SLC25A21: variants seen among roughly 807,000 people sequenced by gnomAD.
The protein encoded by SLC25A21 is mitochondrial 2-oxodicarboxylate carrier.
In SLC25A21, 47 loss-of-function variants were observed where a neutral mutation model predicts 43.8. The observed-to-expected ratio is 1.07, with a 90% CI of 0.85 to 1.37. The LOEUF is 1.37. Among genes scored for constraint, SLC25A21 ranks in the 40% most tolerant of loss-of-function variants. The pLI is 0.00. For missense variants in SLC25A21, 352 were observed against 350.2 expected (o/e 1.00, Z -0.04); for synonymous variants, 131 against 121.3 (o/e 1.08, Z -0.52).
At chr14:36,751,798 G>A (rs1885718736) in intron 3 of SLC25A21, among the ~76,000 whole-genome samples, 1 of 152,138 alleles carries the variant, frequency 6.6e-6, no homozygotes, top group Non-Finnish European at 1.5e-5. Context: ...TTATCAATGT[G>A]GATAGTTTGT....
At chr14:37,146,413 A>C (rs1963665679) in intron 1 of SLC25A21, among the ~76,000 whole-genome samples, 1 of 151,896 alleles carries the variant, frequency 6.6e-6, no homozygotes, top group Non-Finnish European at 1.5e-5. Context: ...CCCCCAGCTA[A>C]CTTCTGTATT....
intron 3 of SLC25A21, among the ~76,000 whole-genome samples, chr14:36,754,294 C>T (rs1885839298): frequency 6.6e-6 from 1 of 152,130 alleles, no homozygotes; most frequent in African/African-American, 2.4e-5. Flanking sequence ...CCAGCCTGAG[C>T]TCAGCCTTTA....
chr14:37,022,229 G>A (rs1961002935), intron 1 of SLC25A21, among the ~76,000 whole-genome samples: 1 of 151,792 alleles, frequency 6.6e-6, no homozygotes, highest in African/African-American at 2.4e-5. Context: ...AACTTACTTT[G>A]TAATAATAAT....
chr14:36,793,960 CAAA>C (rs1201416147), intron 3 of SLC25A21, among the ~76,000 whole-genome samples: 11 of 144,138 alleles, frequency 7.6e-5, no homozygotes, highest in African/African-American at 2.8e-4. Context: ...AGAAGCAAAT[CAAA>C]GAAGTTCATA....
chr14:36,749,995 C>T (rs1202675851), intron 3 of SLC25A21, among the ~76,000 whole-genome samples: 2 of 152,240 alleles, frequency 1.3e-5, no homozygotes, highest in East Asian at 1.9e-4. Context: ...GAGGGTATGG[C>T]AGGGATTTCT....
At chr14:36,977,724 A>G (rs1283698561) in intron 1 of SLC25A21, among the ~76,000 whole-genome samples, 4 of 152,178 alleles carry the variant, frequency 2.6e-5, no homozygotes, top group Admixed American at 6.6e-5. Context: ...TATATCACAC[A>G]TTACTGTCAA....
At chr14:36,909,717 ATAAAT>A (rs1393376494) in intron 1 of SLC25A21, among the ~76,000 whole-genome samples, 1 of 152,234 alleles carries the variant, frequency 6.6e-6, no homozygotes, top group Middle Eastern at 3.2e-3. Flanking sequence ...ATGCTTTAAA[ATAAAT>A]TAATAAGTAA....
intron 3 of SLC25A21, among the ~76,000 whole-genome samples, chr14:36,789,334 A>G (rs904156392): frequency 1.3e-5 from 2 of 152,064 alleles, no homozygotes; most frequent in Admixed American, 1.3e-4. Context: ...GGGAGGAGAA[A>G]ATAAAAACTG....
chr14:36,689,938 G>C (rs1415329940), intron 7 of SLC25A21, among the ~76,000 whole-genome samples: 1 of 152,204 alleles, frequency 6.6e-6, no homozygotes, highest in Non-Finnish European at 1.5e-5. Context: ...GGCTCTGGCT[G>C]TGTTGGGAAG....
At chr14:37,154,871 A>G (rs969404579) in intron 1 of SLC25A21, among the ~76,000 whole-genome samples, 3 of 151,890 alleles carry the variant, frequency 2.0e-5, no homozygotes, top group African/African-American at 7.3e-5. Flanking sequence ...CAAACTCCCA[A>G]CCTCAGGTGA....
At chr14:37,062,596 ATTTGCAGGTGGCTATACACTTCAG>A (rs1022097888) in intron 1 of SLC25A21, among the ~76,000 whole-genome samples, 1 of 152,174 alleles carries the variant, frequency 6.6e-6, no homozygotes, top group Non-Finnish European at 1.5e-5. Context: ...GTCAACAAGT[ATTTGCAGGTGGCTATACACTTCAG>A]TGTATAACCA....
At chr14:36,899,979 T>C (rs1318558399) in intron 1 of SLC25A21, among the ~76,000 whole-genome samples, 2 of 152,156 alleles carry the variant, frequency 1.3e-5, no homozygotes, top group African/African-American at 4.8e-5. Context: ...TTGTCAGGAC[T>C]CTTTTGGTTG....
intron 1 of SLC25A21, among the ~76,000 whole-genome samples, chr14:36,963,261 C>T (rs1435924190): frequency 6.6e-6 from 1 of 151,938 alleles, no homozygotes; most frequent in African/African-American, 2.4e-5. Context: ...TTTTAAATTT[C>T]CCCCCTTTTC....
chr14:36,697,362 G>A (rs1344120445), intron 7 of SLC25A21, among the ~76,000 whole-genome samples: 1 of 152,160 alleles, frequency 6.6e-6, no homozygotes, highest in Non-Finnish European at 1.5e-5. Context: ...AGTGTGATGT[G>A]GTGCTGAGAA....
At chr14:37,062,033 C>T (rs1419811811) in intron 1 of SLC25A21, among the ~76,000 whole-genome samples, 2 of 152,158 alleles carry the variant, frequency 1.3e-5, no homozygotes, top group Non-Finnish European at 2.9e-5. Context: ...CCTGTAGAAA[C>T]CCCACATACA....
At chr14:36,934,540 A>G (rs1275984714) in intron 1 of SLC25A21, among the ~76,000 whole-genome samples, 1 of 151,948 alleles carries the variant, frequency 6.6e-6, no homozygotes, top group Non-Finnish European at 1.5e-5. Flanking sequence ...ATAAATCACC[A>G]GCCACCAAGC....
At chr14:36,770,418 T>C (rs979264136) in intron 3 of SLC25A21, among the ~76,000 whole-genome samples, 2 of 152,120 alleles carry the variant, frequency 1.3e-5, no homozygotes, top group Non-Finnish European at 2.9e-5. Context: ...TGTTGGATAA[T>C]ATGCTCACTA....
intron 1 of SLC25A21, among the ~76,000 whole-genome samples, chr14:37,012,592 T>C (rs1960757108): frequency 6.6e-6 from 1 of 152,148 alleles, no homozygotes; most frequent in African/African-American, 2.4e-5. Context: ...TTTTCTGGAG[T>C]TTTAATAAAT....
Position 36,926,713 on chromosome 14 carries a change from T to C in SLC25A21, c.71-51709A>G, listed in dbSNP as rs572176681. 2.9e-4 allele frequency among the ~76,000 whole-genome samples: 44 copies of C among 152,314 alleles called. No homozygotes were observed. The South Asian group carries it at 8.9e-3, about 31-fold the overall frequency. On this transcript the variant is annotated intron_variant, in intron 1 of 9. Transcript: ENST00000331299. ...CCACAGTAGTTTGGGTATTTAACTA[T>C]ATTGACACTTGCAGATTAAATACTG...
Sources: allele counts gnomAD v4.1 joint callset (sites outside exome capture counted in the v4.1 genomes callset), GRCh38; gene constraint gnomAD v4.1.1; transcripts MANE v1.5; gene names NCBI Gene and HGNC (gene_info 2026-07-23, HGNC 2026-07-21).